GGACT: variants seen among roughly 807,000 people sequenced by gnomAD.
GGACT encodes gamma-glutamylaminecyclotransferase.
For missense variants in GGACT, 241 were observed against 233.2 expected (o/e 1.03, Z -0.22); for synonymous variants, 118 against 115.3 (o/e 1.02, Z -0.15).
intron 2 of GGACT, among the ~76,000 whole-genome samples, chr13:100,544,405 CT>C (rs2088585743): frequency 6.6e-6 from 1 of 152,232 alleles, no homozygotes; most frequent in Non-Finnish European, 1.5e-5. Flanking sequence ...CTCTTTGATG[CT>C]TTCGTTTTGT....
rs1875135083 is a variant in GGACT at position 100,573,079 on chromosome 13, TC to T, written c.-11+10745del. Among the ~76,000 whole-genome samples, 3 of 152,342 alleles carry T rather than the reference TC, an allele frequency of 2.0e-5. No individual in the cohort carries two copies. The South Asian group carries it at 6.2e-4, about 32-fold the overall frequency. ...CACTTCAATCCAACTAAAAGATTTT[TC>T]TAAGACCATATAGGTAGCAATCACA... On this transcript the variant is annotated intron_variant, in intron 2 of 2. Coordinates refer to ENST00000683975, the MANE Select transcript of GGACT (RefSeq NM_001195087.2).
At chr13:100,542,595 T>C (rs1340993735) in intron 2 of GGACT, among the ~76,000 whole-genome samples, 1 of 152,148 alleles carries the variant, frequency 6.6e-6, no homozygotes, top group Non-Finnish European at 1.5e-5. Flanking sequence ...CGTTCCCTGA[T>C]GCTGATGTGT....
At chr13:100,576,418 TG>T (rs1875248194) in intron 2 of GGACT, among the ~76,000 whole-genome samples, 1 of 152,200 alleles carries the variant, frequency 6.6e-6, no homozygotes, top group Non-Finnish European at 1.5e-5. Flanking sequence ...TACAAAATTA[TG>T]ACCCAGCAAT....
chr13:100,539,179 A>T (rs1294202231), intron 2 of GGACT: 1 of 152,236 alleles, frequency 6.6e-6, no homozygotes. Context: ...CTTACCTCTG[A>T]CTTGGATGCC....
intron 2 of GGACT, among the ~76,000 whole-genome samples, chr13:100,573,873 T>G (rs545749503): frequency 1.8e-5 from 2 of 111,288 alleles, no homozygotes; most frequent in South Asian, 7.0e-4. Flanking sequence ...AAGATGGCAT[T>G]ATCAAAAAGT....
At chr13:100,539,021 T>G (rs1404637587) in intron 2 of GGACT, 1 of 152,222 alleles carries the variant, frequency 6.6e-6, no homozygotes, top group Non-Finnish European at 1.5e-5. Flanking sequence ...TGCTTATTGT[T>G]AGTGTATAAA....
chr13:100,562,211 G>A (rs958272801), intron 2 of GGACT, among the ~76,000 whole-genome samples: 1 of 152,132 alleles, frequency 6.6e-6, no homozygotes, highest in Non-Finnish European at 1.5e-5. Context: ...CCTGTCCACT[G>A]CCTGTGTGGA....
At chr13:100,583,183 A>G (rs1875466992) in intron 2 of GGACT, among the ~76,000 whole-genome samples, 1 of 152,184 alleles carries the variant, frequency 6.6e-6, no homozygotes, top group Non-Finnish European at 1.5e-5. Context: ...TCAGAATCAC[A>G]TGTTCCTAGC....
intron 2 of GGACT, among the ~76,000 whole-genome samples, chr13:100,570,324 G>A (rs1007675864): frequency 6.6e-6 from 1 of 152,162 alleles, no homozygotes; most frequent in Non-Finnish European, 1.5e-5. Flanking sequence ...GCATAGCTGA[G>A]GAGGCCTCAG....
chr13:100,578,631 C>T (rs567435673), intron 2 of GGACT, among the ~76,000 whole-genome samples: 2 of 152,228 alleles, frequency 1.3e-5, no homozygotes, highest in Non-Finnish European at 2.9e-5. Flanking sequence ...GTCAATGTTC[C>T]CTCCAATGCC....
Position 100,535,128 on chromosome 13 carries a change from G to C in GGACT, c.-10-2527C>G, listed in dbSNP as rs371907709. ...GTGGCGATCTAGGACCAGCCAGCCG[G>C]GCAGGGCCGTAGTCACACTGCAGAC... On this transcript the variant is annotated intron_variant, in intron 2 of 2. Coordinates refer to ENST00000683975, the MANE Select transcript of GGACT (RefSeq NM_001195087.2). 1.5e-3 allele frequency among the ~76,000 whole-genome samples: 224 copies of C among 152,344 alleles called. 1 individual carries two copies. Among genetic ancestry groups the C allele is most frequent in the African/African-American group, 5.1e-3 (211 of 41,586 alleles).
In GGACT at chr13:100,532,223, G is replaced by A. The variant is rs1461480630; in HGVS notation, c.369C>T (p.Thr123=). 6.7e-7 allele frequency: 1 copy of A among 1,486,818 alleles called. No homozygotes were observed. Among genetic ancestry groups the A allele is most frequent in the South Asian group, 1.3e-5 (1 of 74,660 alleles). The allele number at this position is 1,486,818 out of a possible 1,614,324, so 92.1% of individuals were successfully genotyped here. The change falls in exon 3 of 3, where the codon ACC becomes ACT. Residue 123 remains threonine (T), a synonymous_variant. Coordinates refer to ENST00000683975, the MANE Select transcript of GGACT (RefSeq NM_001195087.2). The part of the protein sequence containing the change: ...AVQCFVYSRA[T]FPPEWAQLPH... Reference sequence around the variant, plus strand: ...GGAGCTGGGCCCACTCCGGCGGGAAGGTGGCCCTGCTGTACACGAAGCACT... The same window carrying A: ...GGAGCTGGGCCCACTCCGGCGGGAAAGTGGCCCTGCTGTACACGAAGCACT...
chr13:100,583,398 C>T lies in GGACT; in HGVS notation c.-11+427G>A, dbSNP rs35319502. On this transcript the variant is annotated intron_variant, in intron 2 of 2. Coordinates refer to ENST00000683975, the MANE Select transcript of GGACT (RefSeq NM_001195087.2). ...AAATAGGGTGGAAATAGTTATAGTA[C>T]GTATGACAAAAGATTAGTATTCTCA... 0.014 allele frequency among the ~76,000 whole-genome samples: 2,106 copies of T among 152,208 alleles called. 73 individuals are homozygous for T. In the East Asian group the frequency reaches 0.15, roughly 11 times the overall value.
chr13:100,530,280 T>C lies in GGACT; in HGVS notation c.*1850A>G. On this transcript the variant is annotated 3_prime_UTR_variant, in exon 3 of 3. Coordinates refer to ENST00000683975, the MANE Select transcript of GGACT (RefSeq NM_001195087.2). ...ACACCCCTGTGCAGCTACGTTTACG[T>C]CGTCATTTATTCCACAGAGTCAAGA... The C allele has an allele frequency of 1.2e-6, 1 of 853,598 alleles. No homozygotes were observed. The allele number at this position is 853,598 out of a possible 1,614,324, so 52.9% of individuals were successfully genotyped here.
chr13:100,562,059 C>G (rs2088766769), intron 2 of GGACT, among the ~76,000 whole-genome samples: 2 of 152,228 alleles, frequency 1.3e-5, no homozygotes, highest in Non-Finnish European at 2.9e-5. Context: ...GGGTGACTCA[C>G]TTTGCCTCAC....
At chr13:100,550,821 G>A (rs1211978101) in intron 2 of GGACT, among the ~76,000 whole-genome samples, 5 of 151,666 alleles carry the variant, frequency 3.3e-5, no homozygotes, top group Non-Finnish European at 7.4e-5. Flanking sequence ...TTATGGAGTT[G>A]TTGTTTTTTC....
chr13:100,576,582 C>T (rs1235362079), intron 2 of GGACT, among the ~76,000 whole-genome samples: 1 of 152,214 alleles, frequency 6.6e-6, no homozygotes, highest in African/African-American at 2.4e-5. Context: ...CAATGCAGTA[C>T]ATCCAGACGA....
At chr13:100,580,952 C>T (rs1875398403) in intron 2 of GGACT, among the ~76,000 whole-genome samples, 1 of 152,154 alleles carries the variant, frequency 6.6e-6, no homozygotes, top group African/African-American at 2.4e-5. Flanking sequence ...ATGTACTGAA[C>T]AAGTAGGCAA....
intron 2 of GGACT, among the ~76,000 whole-genome samples, chr13:100,578,048 G>C (rs1265261078): frequency 6.6e-6 from 1 of 152,164 alleles, no homozygotes; most frequent in Non-Finnish European, 1.5e-5. Context: ...AAGGGAAATG[G>C]ATGTTTTCTA....
Sources: allele counts gnomAD v4.1 joint callset (sites outside exome capture counted in the v4.1 genomes callset), GRCh38; gene constraint gnomAD v4.1.1; transcripts MANE v1.5; gene names NCBI Gene and HGNC (gene_info 2026-07-23, HGNC 2026-07-21).